The following OR2L13 variants were observed in gnomAD, a reference collection of about 807,000 sequenced individuals.
OR2L13 encodes the protein olfactory receptor family 2 subfamily L member 13.
A neutral mutation model predicts 15.3 loss-of-function variants in OR2L13; 14 were observed. That is an observed-to-expected ratio of 0.91 (90% CI 0.60 to 1.43). OR2L13 has a LOEUF of 1.43. Among genes scored for constraint, OR2L13 ranks in the 40% most tolerant of loss-of-function variants. The probability of loss-of-function intolerance (pLI) is 0.00; values close to 1 mark genes in which losing one functional copy is unlikely to be tolerated. For synonymous variants in OR2L13, 152 were observed against 142.9 expected (o/e 1.06, Z -0.45); for missense variants, 367 against 387.9 (o/e 0.95, Z 0.45).
At chr1:248,081,269 T>C in the OR2L13 span, among the ~76,000 whole-genome samples, 1 of 152,174 alleles carries the variant, frequency 6.6e-6, no homozygotes, top group Non-Finnish European at 1.5e-5. Context: ...TTTAATTTCA[T>C]TGTGGTCAGA....
the OR2L13 span, chr1:248,083,642 C>T: frequency 2.1e-6 from 3 of 1,462,182 alleles, no homozygotes; most frequent in East Asian, 2.3e-5. Flanking sequence ...ATCATCTTGA[C>T]CTGTGGGCCT....
the OR2L13 span, among the ~76,000 whole-genome samples, chr1:248,079,433 G>T: frequency 6.6e-6 from 1 of 151,990 alleles, no homozygotes; most frequent in East Asian, 1.9e-4. Context: ...TTTTTTGTGT[G>T]TGAAATTGAA....
the OR2L13 span, among the ~76,000 whole-genome samples, chr1:247,943,124 T>A: frequency 1.3e-5 from 2 of 152,208 alleles, no homozygotes; most frequent in African/African-American, 4.8e-5. Flanking sequence ...TTTCTTTCTT[T>A]CTGCCTTTGG....
the OR2L13 span, among the ~76,000 whole-genome samples, chr1:248,083,067 T>C: frequency 1.3e-5 from 2 of 152,188 alleles, no homozygotes; most frequent in African/African-American, 4.8e-5. Context: ...GACTGTGGAA[T>C]AAATACAAAA....
chr1:248,095,827 G>T (rs1179943266), upstream of OR2L13, among the ~76,000 whole-genome samples: 4 of 150,286 alleles, frequency 2.7e-5, no homozygotes, highest in East Asian at 8.0e-4. Context: ...GGCTGGTCCC[G>T]AACTCCTGAC....
chr1:247,983,090 G>A, the OR2L13 span, among the ~76,000 whole-genome samples: 1 of 152,096 alleles, frequency 6.6e-6, no homozygotes, highest in Non-Finnish European at 1.5e-5. Flanking sequence ...GTGTTTGTTT[G>A]TGTGTATATA....
the OR2L13 span, among the ~76,000 whole-genome samples, chr1:248,085,997 C>T: frequency 6.6e-6 from 1 of 151,472 alleles, no homozygotes; most frequent in African/African-American, 2.4e-5. Flanking sequence ...AGGCCACAGT[C>T]TAGCATTGAA....
At chr1:248,084,562 A>G in the OR2L13 span, 2 of 1,612,540 alleles carry the variant, frequency 1.2e-6, no homozygotes, top group Non-Finnish European at 1.7e-6. Flanking sequence ...GAGTCCCAGG[A>G]GAATAAAGTC....
At chr1:248,004,187 A>G in the OR2L13 span, 4 of 796,986 alleles carry the variant, frequency 5.0e-6, no homozygotes, top group Middle Eastern at 6.5e-4. Context: ...ACAGAAGAAA[A>G]AAAAATCACT....
chr1:247,966,415 G>A, the OR2L13 span: 1 of 1,393,370 alleles, frequency 7.2e-7, no homozygotes, highest in Non-Finnish European at 9.7e-7. Context: ...CTGTATAGAA[G>A]TCACAAAAAC....
the OR2L13 span, chr1:248,063,172 G>T: frequency 6.6e-6 from 1 of 152,204 alleles, no homozygotes. Flanking sequence ...CATTGAATCT[G>T]TAGTTTGGTT....
chr1:247,992,337 G>C, the OR2L13 span, among the ~76,000 whole-genome samples: 1 of 152,258 alleles, frequency 6.6e-6, no homozygotes, highest in Non-Finnish European at 1.5e-5. Flanking sequence ...TCAACAGTAG[G>C]CTATCATTAG....
chr1:248,070,622 A>G, the OR2L13 span, among the ~76,000 whole-genome samples: 3 of 152,136 alleles, frequency 2.0e-5, no homozygotes, highest in Admixed American at 6.6e-5. Flanking sequence ...AAATAACTAA[A>G]ATCAGAGCAG....
At chr1:248,099,886 A>G in exon 3 of OR2L13, 1 of 1,614,160 alleles carries the variant, frequency 6.2e-7, no homozygotes, top group South Asian at 1.1e-5. Context: ...CTGCAGGTCT[A>G]GGGCTATTGA....
chr1:248,047,675 C>A, the OR2L13 span, among the ~76,000 whole-genome samples: 2 of 152,146 alleles, frequency 1.3e-5, no homozygotes, highest in Non-Finnish European at 2.9e-5. Context: ...ATAGAAATAG[C>A]TGCCTTAACA....
chr1:247,958,965 G>A, the OR2L13 span, among the ~76,000 whole-genome samples: 3 of 152,178 alleles, frequency 2.0e-5, no homozygotes, highest in Non-Finnish European at 4.4e-5. Flanking sequence ...ATTGTTATGT[G>A]TGAATTTGAT....
At chr1:248,084,274 C>T in the OR2L13 span, 5 of 1,611,810 alleles carry the variant, frequency 3.1e-6, no homozygotes, top group Middle Eastern at 2.2e-4. Context: ...AAGCACTCTC[C>T]ACCACCCAGT....
At chr1:247,940,675 T>C in the OR2L13 span, among the ~76,000 whole-genome samples, 1 of 152,082 alleles carries the variant, frequency 6.6e-6, no homozygotes, top group Non-Finnish European at 1.5e-5. Context: ...GCAATGAACA[T>C]ATGAATGCAT....
chr1:247,967,013 A>T, the OR2L13 span, among the ~76,000 whole-genome samples: 2 of 149,088 alleles, frequency 1.3e-5, no homozygotes, highest in Non-Finnish European at 3.0e-5. Context: ...TCTGCACCGT[A>T]ACACCTTTTG....
Sources: allele counts gnomAD v4.1 joint callset (sites outside exome capture counted in the v4.1 genomes callset), GRCh38; gene constraint gnomAD v4.1.1; transcripts MANE v1.5; gene names NCBI Gene and HGNC (gene_info 2026-07-23, HGNC 2026-07-21).